The following SYT7 variants were observed in gnomAD, a reference collection of about 807,000 sequenced individuals.
SYT7 encodes synaptotagmin 7, also known as synaptotagmin-7.
In SYT7, 29 loss-of-function variants were observed where a neutral mutation model predicts 75.1. The observed-to-expected ratio is 0.39, with a 90% CI of 0.29 to 0.53. SYT7 has a LOEUF of 0.53. Among genes scored for constraint, SYT7 ranks in the 20% least tolerant of loss-of-function variants. The pLI is 0.77. For synonymous variants in SYT7, 376 were observed against 401.7 expected, an observed-to-expected ratio of 0.94 and a Z score of 0.76; for missense variants, 693 against 953.2, an observed-to-expected ratio of 0.73 and a Z score of 3.59.
Position 61,523,305 on chromosome 11 carries a change from G to C in SYT7, c.1757-31C>G, listed in dbSNP as rs777474541. On this transcript the variant is annotated intron_variant, in intron 11 of 12. Transcript: ENST00000539008. This position sits in a 1 kb window ranked among gnomAD's most constrained non-coding sequence, Gnocchi z 5.0. ...GGAGGGAGTGGGGAAGGGTTAGAGG[G>C]ACCGTGGGGGAGGGACTTCCTAGGA... 1 of 1,599,722 alleles carries C rather than the reference G, an allele frequency of 6.3e-7. No homozygotes were observed. Among genetic ancestry groups the C allele is most frequent in the South Asian group, 1.1e-5 (1 of 90,788 alleles).
At chr11:61,527,782 T>G in intron 9 of SYT7, 133 bp downstream of exon 9, 14 of 1,015,586 alleles carry the variant, frequency 1.4e-5, no homozygotes, top group Non-Finnish European at 1.9e-5. Flanking sequence ...CTTGCATGTG[T>G]GTTTGTGCAT....
intron 1 of SYT7, among the ~76,000 whole-genome samples, chr11:61,579,400 G>A (rs2064178312): frequency 6.6e-6 from 1 of 152,224 alleles, no homozygotes; most frequent in African/African-American, 2.4e-5. Flanking sequence ...CTCACCTAGA[G>A]GACATTCAGA....
At position 61,580,538 on chromosome 11, in the gene SYT7, G is replaced by A. The variant is rs1471032969; in HGVS notation, c.31+252C>T. Reference sequence around the variant, plus strand: ...TGTCCTTGGGCTGTTGAGGGGTGGGGGAGAGGTCCTTGTGGGGACACTGCG... The same window carrying A: ...TGTCCTTGGGCTGTTGAGGGGTGGGAGAGAGGTCCTTGTGGGGACACTGCG... On this transcript the variant is annotated intron_variant, in intron 1 of 12. Coordinates refer to ENST00000539008, the MANE Select transcript of SYT7 (RefSeq NM_001365809.2). The surrounding 1 kb of genome is among the most constrained non-coding windows in gnomAD (Gnocchi z 6.1). 2.0e-5 allele frequency among the ~76,000 whole-genome samples: 3 copies of A among 152,150 alleles called. No individual in the cohort carries two copies. Among genetic ancestry groups the A allele is most frequent in the Non-Finnish European group, 2.9e-5 (2 of 68,012 alleles).
At chr11:61,520,333 G>C (rs1422452512) in intron 12 of SYT7, among the ~76,000 whole-genome samples, 2 of 152,000 alleles carry the variant, frequency 1.3e-5, no homozygotes, top group Admixed American at 1.3e-4. Flanking sequence ...AGACCAGATT[G>C]GGTAATATGG....
intron 1 of SYT7, among the ~76,000 whole-genome samples, chr11:61,568,519 T>G (rs1230891056): frequency 6.6e-6 from 1 of 152,194 alleles, no homozygotes; most frequent in African/African-American, 2.4e-5. Flanking sequence ...AGCATCATGC[T>G]CAGCCTCCTA....
At chr11:61,520,049 AC>A (rs2062267635) in intron 12 of SYT7, among the ~76,000 whole-genome samples, 2 of 102,650 alleles carry the variant, frequency 1.9e-5, no homozygotes, top group African/African-American at 2.2e-4. Context: ...CACACTCCTG[AC>A]CTCGTGATCT....
chr11:61,575,881 C>G (rs1048967717), intron 1 of SYT7, among the ~76,000 whole-genome samples: 1 of 152,220 alleles, frequency 6.6e-6, no homozygotes. Context: ...GCCTCTCCCC[C>G]TGCCTCCGCC....
chr11:61,547,132 C>T (rs1294741518), intron 4 of SYT7, 45 bp downstream of exon 4: 33 of 1,528,592 alleles, frequency 2.2e-5, no homozygotes, highest in Non-Finnish European at 2.7e-5. Flanking sequence ...GGAGGGCGTG[C>T]GCGGATACTC....
chr11:61,534,418 CAT>C (rs1491053359), intron 7 of SYT7, among the ~76,000 whole-genome samples: 45 of 144,660 alleles, frequency 3.1e-4, no homozygotes, highest in Admixed American at 9.1e-4. Context: ...CGCACGCACA[CAT>C]GCGCATACAC....
chr11:61,573,618 C>G (rs777594796), intron 1 of SYT7, among the ~76,000 whole-genome samples: 18 of 152,208 alleles, frequency 1.2e-4, no homozygotes, highest in Non-Finnish European at 2.1e-4. Context: ...TTTCCTATTT[C>G]AAAATGCCAA....
intron 5 of SYT7, among the ~76,000 whole-genome samples, chr11:61,544,419 G>A (rs1418207545): frequency 6.6e-6 from 1 of 152,222 alleles, no homozygotes; most frequent in African/African-American, 2.4e-5. Flanking sequence ...GAAAGAAAGA[G>A]AAGAAAGCAA....
rs996392627 is a variant in SYT7, at chr11:61,580,837, G to T, written c.-17C>A. 3.2e-5 allele frequency: 40 copies of T among 1,255,694 alleles called. No homozygotes were observed. The highest frequency in any genetic ancestry group is 3.1e-4 in the Middle Eastern group (1 of 3,278). 77.8% of individuals were successfully genotyped at this position (1,255,694 alleles called of 1,614,324 possible). ...CCGGTACATGGTCCCCTCGTCGCCG[G>T]TTCCCTCCGGGCTCCTCAGAGCCGC... On this transcript the variant is annotated 5_prime_UTR_variant, in exon 1 of 13. Transcript: ENST00000539008. This position sits in a 1 kb window ranked among gnomAD's most constrained non-coding sequence, Gnocchi z 6.1.
intron 2 of SYT7, among the ~76,000 whole-genome samples, chr11:61,555,119 C>T (rs181512476): frequency 1.6e-3 from 240 of 152,322 alleles, no homozygotes; most frequent in African/African-American, 5.5e-3. Flanking sequence ...AGCCACAGTG[C>T]TCCCCCCTTG....
intron 5 of SYT7, 100 bp downstream of exon 5, chr11:61,545,931 C>T: frequency 1.8e-6 from 2 of 1,131,544 alleles, no homozygotes; most frequent in South Asian, 1.5e-5. Context: ...AGGACGGCAC[C>T]TCTGGGGGCA....
Position 61,547,264 on chromosome 11 carries a change from T to A in SYT7, c.260A>T (p.Gln87Leu), listed in dbSNP as rs1214507622. The A allele has an allele frequency of 7.8e-6, 12 of 1,535,734 alleles. No homozygotes were observed. The East Asian group carries it at 2.7e-4, about 34-fold the overall frequency. ...GGGAGGGTAGGAGCTCCATTTCTGC[T>A]GCACTGTGCTCTCATTGTTATTCCA... ...DFWNNNESTV[Q>L]QKWSSYPPKE... The change falls in exon 4 of 13, where the codon CAG becomes CTG. Residue 87 changes from glutamine (Q) to leucine (L), a missense_variant. Physicochemically the swap from Gln to Leu is moderately radical, Grantham distance 113 (BLOSUM62 -2). Around this residue, in one of 2 missense-constraint regions of SYT7, gnomAD observed 487 missense variants for 593.2 expected, o/e 0.82. Coordinates refer to ENST00000539008, the MANE Select transcript of SYT7 (RefSeq NM_001365809.2).
chr11:61,566,886 T>C (rs1434521759), intron 1 of SYT7, among the ~76,000 whole-genome samples: 1 of 152,240 alleles, frequency 6.6e-6, no homozygotes, highest in Non-Finnish European at 1.5e-5. Context: ...GACTCAACTT[T>C]ATCTCCCCGA....
At chr11:61,569,571 A>G (rs1269549263) in intron 1 of SYT7, among the ~76,000 whole-genome samples, 1 of 152,142 alleles carries the variant, frequency 6.6e-6, no homozygotes, top group Non-Finnish European at 1.5e-5. Flanking sequence ...GAGGAATCTC[A>G]GGAGCCAGAG....
At position 61,580,687 on chromosome 11, in the gene SYT7, G is replaced by T; in HGVS notation, c.31+103C>A. On this transcript the variant is annotated intron_variant, in intron 1 of 12. Transcript: ENST00000539008. The surrounding 1 kb of genome is among the most constrained non-coding windows in gnomAD (Gnocchi z 6.1). ...CCCCTGGGGGAGCCCGTGCGGCTCCGGGCGGACAACAGCCCCAGGCTGGGG... is the reference window on the plus strand; with the variant it reads ...CCCCTGGGGGAGCCCGTGCGGCTCCTGGCGGACAACAGCCCCAGGCTGGGG... 1 of 804,006 alleles carries T rather than the reference G, an allele frequency of 1.2e-6. No individual in the cohort carries two copies. The highest frequency in any genetic ancestry group is 6.0e-5 in the South Asian group (1 of 16,790). The allele number at this position is 804,006 out of a possible 1,614,324, so 49.8% of individuals were successfully genotyped here.
At position 61,556,002 on chromosome 11, in the gene SYT7, C is replaced by T. The variant is rs540240056; in HGVS notation, c.135+102G>A. 28 of 1,112,962 alleles carry T rather than the reference C, an allele frequency of 2.5e-5. No homozygotes were observed. In the South Asian group the frequency reaches 2.6e-4, roughly 10 times the overall value. The allele number at this position is 1,112,962 out of a possible 1,614,324, so 68.9% of individuals were successfully genotyped here. On this transcript the variant is annotated intron_variant, in intron 2 of 12. Coordinates refer to ENST00000539008, the MANE Select transcript of SYT7 (RefSeq NM_001365809.2). ...GGACAGGTGAGTCACCTGTGTGCAC[C>T]CTTGGGAAAATTCCCAAGCCTGTAA...
Sources: gnomAD v4.1 joint callset for allele counts (sites outside exome capture counted in the v4.1 genomes callset) on GRCh38, gnomAD v4.1.1 for gene constraint, gnomAD v4.1.1 regional missense constraint, Gnocchi (gnomAD v3.1) non-coding constraint, MANE v1.5 for transcripts, NCBI Gene and HGNC (gene_info 2026-07-23, HGNC 2026-07-21) for gene names.